Variants in DIDO1 observed in about 807,000 individuals in gnomAD.
DIDO1 encodes the protein death-inducer obliterator 1.
Under a neutral mutation model 99.4 loss-of-function variants are expected in DIDO1, and 16 were observed. The observed-to-expected ratio is 0.16, with a 90% CI of 0.11 to 0.24. DIDO1 has a LOEUF of 0.24. Among genes scored for constraint, DIDO1 ranks in the 10% least tolerant of loss-of-function variants. DIDO1 has a pLI of 1.00. For missense variants in DIDO1, 2,996 were observed against 3,014.0 expected, an observed-to-expected ratio of 0.99 and a Z score of 0.14; for synonymous variants, 1,366 against 1,239.1, an observed-to-expected ratio of 1.10 and a Z score of -2.15.
At chr20:62,900,792 C>T (rs556512776) in intron 6 of DIDO1, among the ~76,000 whole-genome samples, 18 of 152,330 alleles carry the variant, frequency 1.2e-4, no homozygotes, top group Admixed American at 7.8e-4. Context: ...TGGTCTCCCA[C>T]GGTGTCCTGA....
At chr20:62,891,753 C>T (rs1362065105) in intron 14 of DIDO1, among the ~76,000 whole-genome samples, 1 of 136,526 alleles carries the variant, frequency 7.3e-6, no homozygotes, top group Non-Finnish European at 1.5e-5. Context: ...AGTCATACAA[C>T]TATGTAAACT....
chr20:62,893,633 T>C (rs1248928682), intron 12 of DIDO1, 33 bp downstream of exon 12: 2 of 1,518,010 alleles, frequency 1.3e-6, no homozygotes, highest in Admixed American at 2.2e-5. Flanking sequence ...AAAAAAAAGT[T>C]TGGCTTGTTC....
chr20:62,905,477 A>C (rs2064780429), intron 6 of DIDO1: 1 of 1,543,716 alleles, frequency 6.5e-7, no homozygotes, highest in Non-Finnish European at 8.8e-7. Context: ...AATGTGGAAA[A>C]ACTGAAGCGT....
Position 62,881,216 on chromosome 20 carries a change from C to T in DIDO1, c.4740G>A (p.Arg1580=). Residue 1580 remains arginine, a synonymous_variant, in exon 16 of 16, where the codon AGG becomes AGA. Coordinates refer to ENST00000395343, the MANE Select transcript of DIDO1 (RefSeq NM_001193369.2). This position sits in a 1 kb window ranked among gnomAD's most constrained non-coding sequence, Gnocchi z 8.3. ...TGEGEGEPLS[R]LSARGAQGAL... ...CACCCTGGGCACCACGTGCCGAGAG[C>T]CTGGAGAGAGGCTCCCCCTCCCCCT... is the stretch of plus-strand genomic sequence containing the variant. 1 of 1,604,744 alleles carries T rather than the reference C, an allele frequency of 6.2e-7. No individual in the cohort carries two copies. Among genetic ancestry groups the T allele is most frequent in the Non-Finnish European group, 8.5e-7 (1 of 1,177,934 alleles).
Position 62,882,272 on chromosome 20 carries a change from A to G in DIDO1, c.3684T>C (p.Tyr1228=). 1 of 1,613,964 alleles carries G rather than the reference A, an allele frequency of 6.2e-7. No individual in the cohort carries two copies. Residue 1228 remains tyrosine (Y), a synonymous_variant, in exon 16 of 16, where the codon TAT becomes TAC. Coordinates refer to ENST00000395343, the MANE Select transcript of DIDO1 (RefSeq NM_001193369.2). Reference sequence around the variant, plus strand: ...ACTGCGGGACTGTGGCTACTTTTGGATAGGCCGGAACGTCCGCTTCTTCCG... The same window carrying G: ...ACTGCGGGACTGTGGCTACTTTTGGGTAGGCCGGAACGTCCGCTTCTTCCG... The part of the protein sequence containing the change: ...LQPEEADVPA[Y]PKVATVPQSE...
At chr20:62,904,870 C>T in intron 6 of DIDO1, 2 of 517,544 alleles carry the variant, frequency 3.9e-6, no homozygotes, top group Non-Finnish European at 5.0e-6. Context: ...GAGTGCCTTC[C>T]CTTAGGGAAT....
At chr20:62,925,901 C>A (rs1418315905) in intron 1 of DIDO1, among the ~76,000 whole-genome samples, 1 of 152,264 alleles carries the variant, frequency 6.6e-6, no homozygotes, top group Non-Finnish European at 1.5e-5. Context: ...CTTCGCGCTT[C>A]CTGCAGCGCC....
Position 62,892,902 on chromosome 20 carries a change from G to A in DIDO1, c.3162C>T (p.Ser1054=), listed in dbSNP as rs758181513. 3 of 1,614,094 alleles carry A rather than the reference G, an allele frequency of 1.9e-6. No homozygotes were observed. Among genetic ancestry groups the A allele is most frequent in the South Asian group, 2.2e-5 (2 of 91,078 alleles). Reference sequence around the variant, plus strand: ...TGTTAATAAATCCTTTCCAAATGGTGCTGAGTCGAGACAAAAAGAGGGTCG... The same window carrying A: ...TGTTAATAAATCCTTTCCAAATGGTACTGAGTCGAGACAAAAAGAGGGTCG... The part of the protein sequence containing the change: ...GDTTLFLSRL[S]TIWKGFINMQ... The change falls in exon 13 of 16, where the codon AGC becomes AGT. Residue 1054 remains serine, a synonymous_variant. Coordinates refer to ENST00000395343, the MANE Select transcript of DIDO1 (RefSeq NM_001193369.2).
intron 1 of DIDO1, among the ~76,000 whole-genome samples, chr20:62,935,625 C>T (rs2065374723): frequency 1.3e-5 from 2 of 152,186 alleles, no homozygotes; most frequent in South Asian, 4.1e-4. Context: ...GATAACAAAG[C>T]TTGTTGACAT....
At chr20:62,891,515 G>A (rs932936039) in intron 14 of DIDO1, among the ~76,000 whole-genome samples, 2 of 152,128 alleles carry the variant, frequency 1.3e-5, no homozygotes, top group African/African-American at 4.8e-5. Flanking sequence ...AGACAGACAC[G>A]CACAGCTGTA....
At chr20:62,918,207 C>G (rs778312017) in intron 1 of DIDO1, among the ~76,000 whole-genome samples, 5 of 152,258 alleles carry the variant, frequency 3.3e-5, no homozygotes, top group Non-Finnish European at 7.3e-5. Context: ...AAAAGCCTAA[C>G]TGCAACTATT....
chr20:62,918,984 T>A (rs1368699964), intron 1 of DIDO1, among the ~76,000 whole-genome samples: 1 of 152,078 alleles, frequency 6.6e-6, no homozygotes, highest in Non-Finnish European at 1.5e-5. Flanking sequence ...TCAGATGACA[T>A]CCCCAAATGC....
chr20:62,907,904 T>G (rs1440572246), intron 4 of DIDO1, among the ~76,000 whole-genome samples: 3 of 152,196 alleles, frequency 2.0e-5, no homozygotes, highest in Admixed American at 2.0e-4. Context: ...AAATACAGTA[T>G]GCCAATGAAA....
chr20:62,881,924 C>T lies in DIDO1; in HGVS notation c.4032G>A (p.Gln1344=). 1 of 1,613,452 alleles carries T rather than the reference C, an allele frequency of 6.2e-7. No individual in the cohort carries two copies. Among genetic ancestry groups the T allele is most frequent in the South Asian group, 1.1e-5 (1 of 91,092 alleles). ...CGTCCTCTGCTGTGGTTTTGGGCTCCTGGGGGAGACCTGCGGTGGACCCGG... is the reference window on the plus strand; with the variant it reads ...CGTCCTCTGCTGTGGTTTTGGGCTCTTGGGGGAGACCTGCGGTGGACCCGG... ...EPPGSTAGLP[Q]EPKTTAEDGV... Residue 1344 remains glutamine (Q), a synonymous_variant, in exon 16 of 16, where the codon CAG becomes CAA. Coordinates refer to ENST00000395343, the MANE Select transcript of DIDO1 (RefSeq NM_001193369.2). The surrounding 1 kb of genome is among the most constrained non-coding windows in gnomAD (Gnocchi z 8.3).
At position 62,882,230 on chromosome 20, in the gene DIDO1, G is replaced by C; in HGVS notation, c.3726C>G (p.Ser1242=). The C allele has an allele frequency of 6.2e-7, 1 of 1,613,790 alleles. No individual in the cohort carries two copies. Among genetic ancestry groups the C allele is most frequent in the Non-Finnish European group, 8.5e-7 (1 of 1,180,032 alleles). ...CGTCTGCAGAGCAGAGTGGATACTT[G>C]GAGGGCTTCTTTTCCGACTGCGGGA... ...ATVPQSEKKP[S]KYPLCSADAA... is the part of the protein sequence containing the mutation. The change falls in exon 16 of 16, where the codon TCC becomes TCG. Residue 1242 remains serine, a synonymous_variant. Transcript: ENST00000395343.
At chr20:62,922,011 A>C (rs1261483622) in intron 1 of DIDO1, among the ~76,000 whole-genome samples, 1 of 150,244 alleles carries the variant, frequency 6.7e-6, no homozygotes, top group Non-Finnish European at 1.5e-5. Flanking sequence ...CTATATATAT[A>C]TCCACACAAT....
chr20:62,901,528 CAT>C (rs1160896361), intron 6 of DIDO1, among the ~76,000 whole-genome samples: 3 of 147,366 alleles, frequency 2.0e-5, no homozygotes, highest in Admixed American at 6.9e-5. Flanking sequence ...CTTAAACCAA[CAT>C]GTTAGGGGCA....
At chr20:62,935,802 T>G (rs1002991089) in intron 1 of DIDO1, among the ~76,000 whole-genome samples, 1 of 152,146 alleles carries the variant, frequency 6.6e-6, no homozygotes, top group African/African-American at 2.4e-5. Context: ...GTCTGCTATG[T>G]GAGAGGTAGT....
At chr20:62,916,779 CAT>C (rs2065045919) in intron 1 of DIDO1, among the ~76,000 whole-genome samples, 3 of 152,196 alleles carry the variant, frequency 2.0e-5, no homozygotes, top group Admixed American at 1.3e-4. Flanking sequence ...ACCATCTTCA[CAT>C]AACTGGATGT....
Sources: gnomAD v4.1 joint callset for allele counts (sites outside exome capture counted in the v4.1 genomes callset) on GRCh38, gnomAD v4.1.1 for gene constraint, Gnocchi (gnomAD v3.1) non-coding constraint, MANE v1.5 for transcripts, NCBI Gene and HGNC (gene_info 2026-07-23, HGNC 2026-07-21) for gene names.